PDE10A: variants seen among roughly 807,000 people sequenced by gnomAD.
The protein encoded by PDE10A is phosphodiesterase 10A, also known as cAMP and cAMP-inhibited cGMP 3',5'-cyclic phosphodiesterase 10A.
A neutral mutation model predicts 97.7 loss-of-function variants in PDE10A; 39 were observed. The observed-to-expected ratio is 0.40, with a 90% confidence interval of 0.31 to 0.52. The LOEUF is 0.52. Ranked by LOEUF, PDE10A falls within the 20% of genes least tolerant of loss-of-function variation. The pLI is 0.56. For missense variants in PDE10A, 731 were observed against 1,047.8 expected (o/e 0.70, Z 4.17); for synonymous variants, 371 against 376.8 (o/e 0.98, Z 0.18).
At chr6:165,520,117 C>A (rs1030360596) in intron 2 of PDE10A, among the ~76,000 whole-genome samples, 7 of 152,164 alleles carry the variant, frequency 4.6e-5, no homozygotes, top group African/African-American at 1.7e-4. Context: ...TCCCCAGAAC[C>A]AGTATCAATG....
At chr6:165,445,046 C>T (rs780780485) in intron 5 of PDE10A, among the ~76,000 whole-genome samples, 2 of 151,998 alleles carry the variant, frequency 1.3e-5, no homozygotes, top group Non-Finnish European at 2.9e-5. Flanking sequence ...CAAATCGAGA[C>T]AATTTTTTAA....
intron 1 of PDE10A, among the ~76,000 whole-genome samples, chr6:165,705,820 T>A (rs1193958946): frequency 3.3e-5 from 5 of 152,240 alleles, no homozygotes; most frequent in African/African-American, 4.8e-5. Flanking sequence ...TGGGAATTTT[T>A]AAATTTGCAT....
intron 1 of PDE10A, among the ~76,000 whole-genome samples, chr6:165,636,893 TA>T (rs1788904831): frequency 6.6e-6 from 1 of 152,094 alleles, no homozygotes; most frequent in Admixed American, 6.5e-5. Context: ...TTAGTATCTG[TA>T]AAATAAAGGG....
At chr6:165,722,094 C>A (rs1275106451) in intron 1 of PDE10A, among the ~76,000 whole-genome samples, 1 of 152,144 alleles carries the variant, frequency 6.6e-6, no homozygotes, top group African/African-American at 2.4e-5. Flanking sequence ...TTTCAAGTGG[C>A]ACAGAATTAC....
At chr6:165,818,486 C>T (rs1424325283) in intron 1 of PDE10A, among the ~76,000 whole-genome samples, 1 of 152,100 alleles carries the variant, frequency 6.6e-6, no homozygotes, top group Non-Finnish European at 1.5e-5. Flanking sequence ...TGAGCACACA[C>T]AAATACTAAA....
chr6:165,722,479 A>G (rs754937900), intron 1 of PDE10A, among the ~76,000 whole-genome samples: 5 of 152,216 alleles, frequency 3.3e-5, no homozygotes, highest in Non-Finnish European at 7.3e-5. Flanking sequence ...TTCTTCTTAT[A>G]CATATCTGTC....
chr6:165,476,730 T>C (rs932717148), intron 3 of PDE10A, among the ~76,000 whole-genome samples: 1 of 152,142 alleles, frequency 6.6e-6, no homozygotes. Flanking sequence ...GAGACACTTA[T>C]AAATACATTC....
At chr6:165,449,390 A>G (rs867704213) in intron 4 of PDE10A, among the ~76,000 whole-genome samples, 1 of 152,218 alleles carries the variant, frequency 6.6e-6, no homozygotes, top group African/African-American at 2.4e-5. Context: ...GTATTCATCT[A>G]TAATTGTCAC....
intron 1 of PDE10A, among the ~76,000 whole-genome samples, chr6:165,930,084 ATAT>A (rs1783082703): frequency 6.8e-6 from 1 of 147,200 alleles, no homozygotes; most frequent in South Asian, 2.2e-4. Context: ...GACCAGGCAC[ATAT>A]CACTCCAGAA....
chr6:165,935,438 G>C (rs2128491563), intron 1 of PDE10A, among the ~76,000 whole-genome samples: 1 of 152,296 alleles, frequency 6.6e-6, no homozygotes, highest in African/African-American at 2.4e-5. Flanking sequence ...GATTTAACCA[G>C]GGGAAAGACA....
intron 1 of PDE10A, among the ~76,000 whole-genome samples, chr6:165,619,413 T>G (rs375490134): frequency 1.9e-3 from 184 of 98,184 alleles, no homozygotes; most frequent in Non-Finnish European, 2.8e-3. Flanking sequence ...TGTAGTCTAG[T>G]GTAGTGTAGT....
intron 3 of PDE10A, among the ~76,000 whole-genome samples, chr6:165,464,224 G>C (rs375679058): frequency 5.9e-5 from 9 of 152,106 alleles, no homozygotes; most frequent in Non-Finnish European, 1.3e-4. Flanking sequence ...ATAGGTATGT[G>C]TAAGCTGATA....
chr6:165,629,543 TA>T (rs141265131), intron 1 of PDE10A, among the ~76,000 whole-genome samples: 1 of 143,424 alleles, frequency 7.0e-6, no homozygotes, highest in African/African-American at 2.7e-5. Context: ...TTTTTTTTTT[TA>T]AAACAGGGTC....
At chr6:165,949,497 G>A (rs1020161118) in intron 1 of PDE10A, 1 of 150,666 alleles carries the variant, frequency 6.6e-6, no homozygotes, top group South Asian at 2.1e-4. Context: ...ATGATGACTG[G>A]GGTGACCACT....
Position 165,693,502 on chromosome 6 carries a change from G to A in PDE10A, c.-614-149934C>T, listed in dbSNP as rs189108144. Among the ~76,000 whole-genome samples, 876 of 118,928 alleles carry A rather than the reference G, an allele frequency of 7.4e-3. 5 individuals are homozygous for A. The highest frequency in any genetic ancestry group is 0.024 in the South Asian group (79 of 3,296). The allele number at this position is 118,928 out of a possible 152,430, so 78.0% of individuals were successfully genotyped here. A position where few individuals can be genotyped will look rare whatever the true frequency, so the allele number is the denominator to read the frequency against. ...GCTGAGATGGCACCACTGCACTCCAGCTTGGGCGGCAGAGGGAGGCTCCAC... is the reference window on the plus strand; with the variant it reads ...GCTGAGATGGCACCACTGCACTCCAACTTGGGCGGCAGAGGGAGGCTCCAC... On this transcript the variant is annotated intron_variant, in intron 1 of 19. Coordinates refer to the PDE10A transcript ENST00000366882.
At chr6:165,654,385 C>T (rs573084000) in intron 1 of PDE10A, among the ~76,000 whole-genome samples, 177 of 152,154 alleles carry the variant, frequency 1.2e-3, no homozygotes, top group Non-Finnish European at 2.2e-3. Context: ...CTCTCCTCCT[C>T]GGCTCACTCT....
At chr6:165,410,541 AAG>A (rs1386940059) in intron 13 of PDE10A, among the ~76,000 whole-genome samples, 1 of 152,174 alleles carries the variant, frequency 6.6e-6, no homozygotes, top group African/African-American at 2.4e-5. Flanking sequence ...TAGAGACAGA[AAG>A]AGACAGACAG....
intron 1 of PDE10A, among the ~76,000 whole-genome samples, chr6:165,614,420 A>G (rs1452109304): frequency 6.6e-6 from 1 of 152,190 alleles, no homozygotes; most frequent in East Asian, 1.9e-4. Context: ...GCACACAGGT[A>G]TTGATGTCCA....
In PDE10A at chr6:165,333,093, C is replaced by T; in HGVS notation, c.3100G>A (p.Gly1034Arg). The change falls in exon 22 of 22, where the codon GGG becomes AGG. Residue 1034 changes from glycine to arginine, a missense_variant. Coordinates refer to ENST00000539869, the MANE Select transcript of PDE10A (RefSeq NM_001385079.1). ...GAAATCCAGGTTGCAGTCTCCTCCC[C>T]TCGAATCACCTTCTCCCACTGACTG... ...NLSQWEKVIRGEETATWISSP... is the reference protein window; with the variant it reads ...NLSQWEKVIRREETATWISSP... 1 of 1,611,136 alleles carries T rather than the reference C, an allele frequency of 6.2e-7. No individual in the cohort carries two copies. The highest frequency in any genetic ancestry group is 8.5e-7 in the Non-Finnish European group (1 of 1,177,286).
Sources: allele counts gnomAD v4.1 joint callset (sites outside exome capture counted in the v4.1 genomes callset), GRCh38; gene constraint gnomAD v4.1.1; transcripts MANE v1.5; gene names NCBI Gene and HGNC (gene_info 2026-07-23, HGNC 2026-07-21).